PGCKA1: variants seen among roughly 807,000 people sequenced by gnomAD.
The protein encoded by PGCKA1 is PDCD10 and GCKIII kinases associated 1, also known as PDCD10 and GCKIII kinases-associated protein 1.
the PGCKA1 span, among the ~76,000 whole-genome samples, chr4:37,566,882 C>T: frequency 6.6e-6 from 1 of 152,128 alleles, no homozygotes; most frequent in Admixed American, 6.5e-5. Context: ...GCGCCTGGTC[C>T]TGAGGCCTTT....
At chr4:37,478,424 T>G in the PGCKA1 span, among the ~76,000 whole-genome samples, 1 of 152,080 alleles carries the variant, frequency 6.6e-6, no homozygotes, top group Non-Finnish European at 1.5e-5. Context: ...CAAGTGAATA[T>G]AGTAGCCTAT....
At chr4:37,463,495 T>C in the PGCKA1 span, among the ~76,000 whole-genome samples, 1 of 152,234 alleles carries the variant, frequency 6.6e-6, no homozygotes, top group East Asian at 1.9e-4. Flanking sequence ...GTGGACATAG[T>C]AAAAATGGAA....
At chr4:37,530,696 G>A in the PGCKA1 span, among the ~76,000 whole-genome samples, 1 of 151,854 alleles carries the variant, frequency 6.6e-6, no homozygotes, top group Non-Finnish European at 1.5e-5. Flanking sequence ...TATTTCTCAG[G>A]TCAGATACGG....
At chr4:37,583,612 T>A in the PGCKA1 span, among the ~76,000 whole-genome samples, 36 of 152,044 alleles carry the variant, frequency 2.4e-4, no homozygotes, top group Non-Finnish European at 4.7e-4. Flanking sequence ...AATTTTTTTT[T>A]ATTTTTAGTG....
chr4:37,459,063 G>C, the PGCKA1 span, among the ~76,000 whole-genome samples: 2 of 152,062 alleles, frequency 1.3e-5, no homozygotes, highest in Non-Finnish European at 2.9e-5. Flanking sequence ...TCAGTACCAC[G>C]ACGGAGCTCT....
chr4:37,590,692 G>T, the PGCKA1 span: 1 of 1,614,190 alleles, frequency 6.2e-7, no homozygotes, highest in South Asian at 1.1e-5. Flanking sequence ...GAACCATACT[G>T]AGGATGAATC....
chr4:37,492,772 T>A, the PGCKA1 span, among the ~76,000 whole-genome samples: 2 of 152,200 alleles, frequency 1.3e-5, no homozygotes, highest in African/African-American at 4.8e-5. This position sits in a 1 kb window ranked among gnomAD's most constrained non-coding sequence, Gnocchi z 4.7. Flanking sequence ...AAGGGAAGAC[T>A]AAGCATGTCA....
At chr4:37,501,393 A>G in the PGCKA1 span, among the ~76,000 whole-genome samples, 1 of 152,044 alleles carries the variant, frequency 6.6e-6, no homozygotes, top group African/African-American at 2.4e-5. Context: ...TACACATGCG[A>G]GGGATCTAGG....
the PGCKA1 span, among the ~76,000 whole-genome samples, chr4:37,533,437 TTTAC>T: frequency 6.6e-6 from 1 of 152,240 alleles, no homozygotes; most frequent in African/African-American, 2.4e-5. Context: ...TATATGATCA[TTTAC>T]TTAAGTCTAC....
At chr4:37,557,309 T>A in the PGCKA1 span, among the ~76,000 whole-genome samples, 110 of 152,360 alleles carry the variant, frequency 7.2e-4, no homozygotes, top group African/African-American at 2.4e-3. Context: ...ACTTTGTCCA[T>A]CAGAGAAGAG....
chr4:37,590,481 C>G, the PGCKA1 span: 1 of 1,611,394 alleles, frequency 6.2e-7, no homozygotes, highest in Non-Finnish European at 8.5e-7. Flanking sequence ...GAGGGGGCAC[C>G]AGGAAACAGG....
chr4:37,495,547 A>G, the PGCKA1 span, among the ~76,000 whole-genome samples: 2 of 152,218 alleles, frequency 1.3e-5, no homozygotes, highest in African/African-American at 4.8e-5. Context: ...AGATGAGTTC[A>G]TGTCCTTTGC....
At chr4:37,549,536 C>T in the PGCKA1 span, among the ~76,000 whole-genome samples, 3 of 152,132 alleles carry the variant, frequency 2.0e-5, no homozygotes, top group East Asian at 5.8e-4. Flanking sequence ...AACATAAAGT[C>T]CCCCCATGCT....
At chr4:37,564,411 A>G in the PGCKA1 span, among the ~76,000 whole-genome samples, 1 of 152,134 alleles carries the variant, frequency 6.6e-6, no homozygotes, top group East Asian at 1.9e-4. Flanking sequence ...TGCTTAAGTC[A>G]TGTGATCCTC....
At chr4:37,459,026 G>A in the PGCKA1 span, among the ~76,000 whole-genome samples, 1 of 152,130 alleles carries the variant, frequency 6.6e-6, no homozygotes, top group African/African-American at 2.4e-5. Flanking sequence ...ACTGGGACTT[G>A]GGTGTGTCTG....
the PGCKA1 span, among the ~76,000 whole-genome samples, chr4:37,554,083 G>C: frequency 1.3e-5 from 2 of 152,094 alleles, no homozygotes; most frequent in Non-Finnish European, 2.9e-5. Flanking sequence ...TTTTCCCGTG[G>C]TATTCTCATG....
chr4:37,537,374 A>G, the PGCKA1 span, among the ~76,000 whole-genome samples: 1 of 152,236 alleles, frequency 6.6e-6, no homozygotes, highest in African/African-American at 2.4e-5. Context: ...GAGGCTGTCA[A>G]TATGTTAAAG....
chr4:37,538,329 C>A, the PGCKA1 span, among the ~76,000 whole-genome samples: 1 of 152,216 alleles, frequency 6.6e-6, no homozygotes, highest in East Asian at 1.9e-4. Flanking sequence ...TCAGACAAAT[C>A]TCTTCTGCCA....
At chr4:37,574,734 C>T in the PGCKA1 span, among the ~76,000 whole-genome samples, 1 of 151,808 alleles carries the variant, frequency 6.6e-6, no homozygotes, top group Non-Finnish European at 1.5e-5. Context: ...CATTAGCCAT[C>T]CCCACTTCTC....
Sources: allele counts gnomAD v4.1 joint callset (sites outside exome capture counted in the v4.1 genomes callset), GRCh38; gene constraint gnomAD v4.1.1; non-coding constraint Gnocchi (gnomAD v3.1); transcripts MANE v1.5; gene names NCBI Gene and HGNC (gene_info 2026-07-23, HGNC 2026-07-21).